The following HIPK3 variants were observed in gnomAD, a reference collection of about 807,000 sequenced individuals.
HIPK3 encodes homeodomain-interacting protein kinase 3.
A neutral mutation model predicts 124.2 loss-of-function variants in HIPK3; 47 were observed. That is an observed-to-expected ratio of 0.38 (90% CI 0.30 to 0.48). HIPK3 has a LOEUF of 0.48. Among genes scored for constraint, HIPK3 ranks in the 20% least tolerant of loss-of-function variants. HIPK3 has a pLI of 0.98. For synonymous variants in HIPK3, 482 were observed against 515.2 expected (o/e 0.94, Z 0.87); for missense variants, 1,286 against 1,454.3 (o/e 0.88, Z 1.88).
chr11:33,321,054 A>C (rs979675487), intron 2 of HIPK3, among the ~76,000 whole-genome samples: 4 of 152,152 alleles, frequency 2.6e-5, no homozygotes, highest in African/African-American at 9.7e-5. Context: ...CCCAAAGTTT[A>C]AACGTTGGGA....
intron 2 of HIPK3, among the ~76,000 whole-genome samples, chr11:33,291,449 A>G (rs928997832): frequency 3.3e-5 from 5 of 152,242 alleles, no homozygotes; most frequent in Non-Finnish European, 5.9e-5. Flanking sequence ...TGTGCAACAC[A>G]GAAGTGTAGT....
At chr11:33,342,658 C>T (rs1335848956) in intron 8 of HIPK3, among the ~76,000 whole-genome samples, 1 of 151,654 alleles carries the variant, frequency 6.6e-6, no homozygotes, top group Non-Finnish European at 1.5e-5. Flanking sequence ...TCAAGCAATT[C>T]TGCCTTAGCC....
intron 8 of HIPK3, among the ~76,000 whole-genome samples, chr11:33,343,945 G>A (rs116992989): frequency 0.01 from 1,568 of 152,184 alleles, 14 homozygotes; most frequent in Non-Finnish European, 0.015. Flanking sequence ...TAATAAAAAT[G>A]CCCACATCAT....
Position 33,355,349 on chromosome 11 carries a change from TAAAA to T in HIPK3, c.*1785_*1788del, listed in dbSNP as rs1023565219. 1 of 152,068 alleles carries T rather than the reference TAAAA, an allele frequency of 6.6e-6. No homozygotes were observed. The highest frequency in any genetic ancestry group is 1.5e-5 in the Non-Finnish European group (1 of 67,914). 9.4% of individuals were successfully genotyped at this position (152,068 alleles called of 1,614,324 possible). A position where few individuals can be genotyped will look rare whatever the true frequency, so the allele number is the denominator to read the frequency against. ...AATGTTTGTGCTCATCACTGCATAT[TAAAA>T]AAACTTGGATGTATCAGTGTAACTT... On this transcript the variant is annotated 3_prime_UTR_variant, in exon 17 of 17. Transcript: ENST00000303296.
At chr11:33,318,393 A>G (rs1440558915) in intron 2 of HIPK3, among the ~76,000 whole-genome samples, 3 of 152,094 alleles carry the variant, frequency 2.0e-5, no homozygotes, top group South Asian at 2.1e-4. Context: ...AGTTTTAGGG[A>G]TCATAGGAAT....
At chr11:33,348,289 C>G in intron 12 of HIPK3, 61 bp downstream of exon 12, 1 of 1,443,318 alleles carries the variant, frequency 6.9e-7, no homozygotes, top group Non-Finnish European at 9.7e-7. Context: ...CAATTGTGGA[C>G]ATTCAGATAG....
At chr11:33,306,932 C>T (rs1852177386) in intron 2 of HIPK3, among the ~76,000 whole-genome samples, 1 of 150,648 alleles carries the variant, frequency 6.6e-6, no homozygotes. Flanking sequence ...ATGATAGATG[C>T]ATCCACTTTT....
intron 1 of HIPK3, 40 bp downstream of exon 1, chr11:33,257,929 G>C (rs1015634937): frequency 6.1e-6 from 6 of 985,634 alleles, no homozygotes; most frequent in African/African-American, 3.5e-5. Flanking sequence ...CCCCGGGGTG[G>C]GGGGATCGGC....
At chr11:33,313,684 A>G (rs1852413719) in intron 2 of HIPK3, among the ~76,000 whole-genome samples, 1 of 152,184 alleles carries the variant, frequency 6.6e-6, no homozygotes, top group Non-Finnish European at 1.5e-5. Flanking sequence ...AAAAATACTA[A>G]TGATTTTTCT....
intron 2 of HIPK3, among the ~76,000 whole-genome samples, chr11:33,304,482 AGGAGGC>A (rs1852096767): frequency 6.6e-6 from 1 of 152,014 alleles, no homozygotes; most frequent in African/African-American, 2.4e-5. Flanking sequence ...GCCTGAACCC[AGGAGGC>A]GGAGGTTGCG....
At chr11:33,299,471 T>C (rs1479219646) in intron 2 of HIPK3, among the ~76,000 whole-genome samples, 2 of 150,638 alleles carry the variant, frequency 1.3e-5, no homozygotes, top group African/African-American at 4.9e-5. Context: ...AGACTCTGTC[T>C]CAAAAAAAAA....
intron 3 of HIPK3, among the ~76,000 whole-genome samples, chr11:33,329,066 C>G (rs935672962): frequency 3.3e-5 from 5 of 152,142 alleles, no homozygotes; most frequent in Admixed American, 3.3e-4. Context: ...GAACTCTTCT[C>G]AGTCTTTTTA....
intron 2 of HIPK3, among the ~76,000 whole-genome samples, chr11:33,310,226 C>CT (rs1852281666): frequency 1.4e-5 from 2 of 146,216 alleles, no homozygotes; most frequent in Non-Finnish European, 3.0e-5. Context: ...GGCTGGCTAT[C>CT]TTTGTCTGTC....
chr11:33,286,117 G>T (rs1359672334), intron 1 of HIPK3, among the ~76,000 whole-genome samples: 1 of 152,092 alleles, frequency 6.6e-6, no homozygotes, highest in East Asian at 1.9e-4. Flanking sequence ...GGCCATTTCA[G>T]CTTCTCAGTA....
At chr11:33,307,191 A>C (rs1318299516) in intron 2 of HIPK3, among the ~76,000 whole-genome samples, 1 of 151,860 alleles carries the variant, frequency 6.6e-6, no homozygotes, top group East Asian at 1.9e-4. Context: ...TGCCCGCCTC[A>C]GCCTCCCAAA....
intron 1 of HIPK3, among the ~76,000 whole-genome samples, chr11:33,260,160 T>C (rs1334566125): frequency 6.6e-6 from 1 of 152,206 alleles, no homozygotes; most frequent in East Asian, 1.9e-4. Context: ...GAAAAGAAGC[T>C]GTAGATCATA....
intron 1 of HIPK3, among the ~76,000 whole-genome samples, chr11:33,261,600 A>T (rs1316274396): frequency 2.0e-5 from 3 of 152,164 alleles, no homozygotes; most frequent in African/African-American, 7.2e-5. Context: ...GCATATTTTT[A>T]AAAAATCGAG....
intron 1 of HIPK3, among the ~76,000 whole-genome samples, chr11:33,261,406 C>T (rs1335437555): frequency 1.3e-5 from 2 of 151,760 alleles, no homozygotes; most frequent in Non-Finnish European, 2.9e-5. Context: ...CTGTTGTTCC[C>T]CTCTTTGTGT....
At position 33,353,494 on chromosome 11, in the gene HIPK3, T is replaced by TA; in HGVS notation, c.3575dup (p.Tyr1192Ter). Residue 1192 changes from tyrosine (Y) to a stop codon, truncating the protein, a stop_gained and frameshift_variant, in exon 17 of 17, where the codon TAC (tyrosine) becomes TAAC (stop). Transcript: ENST00000303296. LOFTEE classifies it high-confidence loss of function. Reference sequence around the variant, plus strand: ...CAAACCAATCTTCCCACCACATTCTTACATTGCAGCATCACCTGCATATAC... The same window carrying TA: ...CAAACCAATCTTCCCACCACATTCTTAACATTGCAGCATCACCTGCATATAC... Reference protein sequence around the residue: ...QYKPIFPPHSYIAASPAYTGF... With the variant: ...QYKPIFPPHS 2 of 1,614,134 alleles carry TA rather than the reference T, an allele frequency of 1.2e-6. No individual in the cohort carries two copies. Among genetic ancestry groups the TA allele is most frequent in the Non-Finnish European group, 1.7e-6 (2 of 1,179,966 alleles).
Sources: allele counts gnomAD v4.1 joint callset (sites outside exome capture counted in the v4.1 genomes callset), GRCh38; gene constraint gnomAD v4.1.1; transcripts MANE v1.5; gene names NCBI Gene and HGNC (gene_info 2026-07-23, HGNC 2026-07-21).